The following TUT7 variants were observed in gnomAD, a reference collection of about 807,000 sequenced individuals.
The protein encoded by TUT7 is terminal uridylyltransferase 7.
Under a neutral mutation model 165.9 loss-of-function variants are expected in TUT7, and 33 were observed. The observed-to-expected ratio is 0.20, with a 90% CI of 0.15 to 0.27. TUT7 has a LOEUF of 0.27. Among genes scored for constraint, TUT7 ranks in the 10% least tolerant of loss-of-function variants. The probability of loss-of-function intolerance (pLI) is 1.00; values close to 1 mark genes in which losing one functional copy is unlikely to be tolerated. For missense variants in TUT7, 1,338 were observed against 1,762.3 expected (o/e 0.76, Z 4.31); for synonymous variants, 552 against 608.1 (o/e 0.91, Z 1.36).
intron 10 of TUT7, among the ~76,000 whole-genome samples, chr9:86,333,432 A>G (rs1830494867): frequency 6.6e-6 from 1 of 151,778 alleles, no homozygotes; most frequent in South Asian, 2.1e-4. Flanking sequence ...TTTCCTCTTT[A>G]CTTTTCAGTT....
intron 26 of TUT7, among the ~76,000 whole-genome samples, chr9:86,299,088 G>A (rs12099): frequency 0.44 from 67,355 of 151,850 alleles, 15,158 homozygotes; most frequent in Middle Eastern, 0.6. Flanking sequence ...AGGAGGGCCC[G>A]CACTGCCAGC....
At chr9:86,318,184 C>A (rs1828906311) in intron 16 of TUT7, among the ~76,000 whole-genome samples, 1 of 152,228 alleles carries the variant, frequency 6.6e-6, no homozygotes, top group Admixed American at 6.5e-5. Context: ...GGACTCAGCA[C>A]TTCCTAGACT....
chr9:86,305,196 C>T lies in TUT7; in HGVS notation c.3882G>A (p.Arg1294=), dbSNP rs761565844. 6 of 1,598,956 alleles carry T rather than the reference C, an allele frequency of 3.8e-6. No individual in the cohort carries two copies. The East Asian group carries it at 1.4e-4, about 36-fold the overall frequency. The change falls in exon 23 of 27, where the codon AGG becomes AGA. Residue 1294 remains arginine (R), a synonymous_variant. Coordinates refer to ENST00000375963, the MANE Select transcript of TUT7 (RefSeq NM_024617.4). The part of the protein sequence containing the change: ...LNHNLGAGLS[R]KMTNFIMKAF... ...TTGACAAACGAAGTAACTCACTTTT[C>T]CTTGATAATCCAGCTCCAAGATTAT...
intron 17 of TUT7, among the ~76,000 whole-genome samples, chr9:86,313,502 C>T: frequency 6.6e-6 from 1 of 152,136 alleles, no homozygotes; most frequent in East Asian, 1.9e-4. Flanking sequence ...ACAAACATTA[C>T]CTCCTTAGGT....
At chr9:86,305,059 G>C (rs1323850490) in intron 23 of TUT7, 112 bp from the exon 24 acceptor site, 1 of 1,174,788 alleles carries the variant, frequency 8.5e-7, no homozygotes, top group African/African-American at 1.6e-5. Flanking sequence ...ACTCTGGGAG[G>C]CTGGGGTAGG....
At chr9:86,304,084 G>A (rs184100708) in intron 24 of TUT7, among the ~76,000 whole-genome samples, 7 of 152,238 alleles carry the variant, frequency 4.6e-5, no homozygotes, top group African/African-American at 1.7e-4. Context: ...GTCAATAATA[G>A]TGTATATTTC....
intron 26 of TUT7, among the ~76,000 whole-genome samples, chr9:86,295,102 A>G (rs112511035): frequency 6.6e-6 from 1 of 152,056 alleles, no homozygotes; most frequent in African/African-American, 2.4e-5. Flanking sequence ...TAATAAAAAT[A>G]TATCATCTCA....
At chr9:86,292,303 T>TA (rs1190707011) in intron 26 of TUT7, among the ~76,000 whole-genome samples, 5 of 151,996 alleles carry the variant, frequency 3.3e-5, no homozygotes, top group Middle Eastern at 3.4e-3. Context: ...TGAAAGAGTA[T>TA]AAAAAATGAA....
intron 25 of TUT7, 103 bp downstream of exon 25, chr9:86,302,983 G>A: frequency 1.8e-6 from 1 of 564,002 alleles, no homozygotes; most frequent in Non-Finnish European, 3.2e-6. Context: ...AAAACTGCTG[G>A]ATTTTACACA....
chr9:86,315,737 T>A (rs902317656), intron 17 of TUT7, among the ~76,000 whole-genome samples: 2 of 147,758 alleles, frequency 1.4e-5, no homozygotes, highest in Non-Finnish European at 3.0e-5. Context: ...GAAAAGTATA[T>A]CAATGCACTT....
At chr9:86,314,473 G>A (rs1226316231) in intron 17 of TUT7, among the ~76,000 whole-genome samples, 1 of 152,152 alleles carries the variant, frequency 6.6e-6, no homozygotes, top group Non-Finnish European at 1.5e-5. Context: ...AAGTCTTGGA[G>A]ATTATATGCT....
Position 86,301,503 on chromosome 9 carries a change from T to C in TUT7, c.4193A>G (p.Tyr1398Cys). ...TTTTGTTGACACCTCCCTTTCTGTG[T>C]ACTTGTTGTGAATTTCTTTGTCCTC... ...SKEDKEIHNK[Y>C]TEREVSTKED... Residue 1398 changes from tyrosine (Y) to cysteine (C), a missense_variant, in exon 26 of 27, where the codon TAC (tyrosine) becomes TGC (cysteine). Tyr to Cys is a radical substitution (Grantham distance 194). Transcript: ENST00000375963. 1 of 1,614,178 alleles carries C rather than the reference T, an allele frequency of 6.2e-7. No individual in the cohort carries two copies. Among genetic ancestry groups the C allele is most frequent in the Non-Finnish European group, 8.5e-7 (1 of 1,180,024 alleles).
intron 19 of TUT7, 70 bp from the exon 20 acceptor site, chr9:86,309,646 C>T (rs1465416996): frequency 3.9e-6 from 5 of 1,279,276 alleles, no homozygotes; most frequent in Non-Finnish European, 5.6e-6. Context: ...ATTCTGTTAT[C>T]ACTAAAAGTA....
At chr9:86,350,019 A>G (rs1447874574) in intron 2 of TUT7, among the ~76,000 whole-genome samples, 2 of 152,142 alleles carry the variant, frequency 1.3e-5, no homozygotes, top group Non-Finnish European at 2.9e-5. Context: ...CAAATTTTTG[A>G]TCTATAAACT....
intron 21 of TUT7, among the ~76,000 whole-genome samples, chr9:86,308,931 T>C (rs916178958): frequency 6.6e-6 from 1 of 152,146 alleles, no homozygotes; most frequent in Non-Finnish European, 1.5e-5. Context: ...AAACTCTGGG[T>C]ACAAAAACCA....
Position 86,328,506 on chromosome 9 carries a change from G to C in TUT7, c.1456-14C>G. ...GAATCCTTCAATCTAGGAAAAATTA[G>C]ACACATGCTAAAATAAGATAGAAAT... On this transcript the variant is annotated splice_polypyrimidine_tract_variant and intron_variant, in intron 10 of 26. Transcript: ENST00000375963. 1 of 1,589,936 alleles carries C rather than the reference G, an allele frequency of 6.3e-7. No individual in the cohort carries two copies.
intron 19 of TUT7, 132 bp from the exon 20 acceptor site, chr9:86,309,708 C>T: frequency 1.1e-6 from 1 of 912,084 alleles, no homozygotes; most frequent in Admixed American, 2.7e-5. Context: ...AAGGCAAAAC[C>T]AATCCAACCT....
At chr9:86,312,206 G>C (rs1422564423) in intron 17 of TUT7, among the ~76,000 whole-genome samples, 2 of 151,494 alleles carry the variant, frequency 1.3e-5, no homozygotes, top group African/African-American at 4.9e-5. Context: ...ATCCCATCTA[G>C]GAAGTGAGGA....
At position 86,304,961 on chromosome 9, in the gene TUT7, T is replaced by G. The variant is rs1827316905; in HGVS notation, c.3887-14A>C. ...TAAAATTTGTCACTAAAAAGAAGAG[T>G]AAGAACTCACTTAGGCGGGTTAAAA... On this transcript the variant is annotated splice_polypyrimidine_tract_variant and intron_variant, in intron 23 of 26. Coordinates refer to ENST00000375963, the MANE Select transcript of TUT7 (RefSeq NM_024617.4). The G allele has an allele frequency of 6.4e-7, 1 of 1,557,894 alleles. No homozygotes were observed. Among genetic ancestry groups the G allele is most frequent in the Admixed American group, 1.7e-5 (1 of 57,654 alleles).
Sources: allele counts gnomAD v4.1 joint callset (sites outside exome capture counted in the v4.1 genomes callset), GRCh38; gene constraint gnomAD v4.1.1; transcripts MANE v1.5; gene names NCBI Gene and HGNC (gene_info 2026-07-23, HGNC 2026-07-21).